KCNH1: variants seen among roughly 807,000 people sequenced by gnomAD.
The protein encoded by KCNH1 is potassium voltage-gated channel subfamily H member 1, also known as voltage-gated delayed rectifier potassium channel KCNH1.
Under a neutral mutation model 69.2 loss-of-function variants are expected in KCNH1, and 27 were observed. That is an observed-to-expected ratio of 0.39 (90% CI 0.29 to 0.54). The LOEUF (loss-of-function observed/expected upper bound fraction) is 0.54. Ranked by LOEUF, KCNH1 falls within the 20% of genes least tolerant of loss-of-function variation. The probability of loss-of-function intolerance (pLI) is 0.68; values close to 1 mark genes in which losing one functional copy is unlikely to be tolerated. For synonymous variants in KCNH1, 456 were observed against 487.7 expected (o/e 0.93, Z 0.86); for missense variants, 798 against 1,261.6 (o/e 0.63, Z 5.57).
chr1:210,868,865 A>C (rs773610444), intron 7 of KCNH1, among the ~76,000 whole-genome samples: 1 of 152,078 alleles, frequency 6.6e-6, no homozygotes, highest in Non-Finnish European at 1.5e-5. Flanking sequence ...GCATTTATCC[A>C]TGTATGATGT....
intron 6 of KCNH1, among the ~76,000 whole-genome samples, chr1:210,975,402 T>G (rs1341543005): frequency 6.6e-6 from 1 of 152,230 alleles, no homozygotes. Flanking sequence ...AAAACAGAGA[T>G]GTAGACCAAT....
intron 7 of KCNH1, among the ~76,000 whole-genome samples, chr1:210,915,387 A>G (rs558417058): frequency 6.6e-6 from 1 of 152,310 alleles, no homozygotes. Context: ...TGAATGGGGG[A>G]CATCCTCTCC....
chr1:210,682,749 C>T lies in KCNH1; in HGVS notation c.*532G>A, dbSNP rs1380389506. On this transcript the variant is annotated 3_prime_UTR_variant, in exon 11 of 11. Coordinates refer to ENST00000271751, the MANE Select transcript of KCNH1 (RefSeq NM_172362.3). Reference sequence around the variant, plus strand: ...GTTTCTGAGCTCTACCCTCCTGTCCCTCAAGCTCTGCTTGTCCCGAGCTAG... The same window carrying T: ...GTTTCTGAGCTCTACCCTCCTGTCCTTCAAGCTCTGCTTGTCCCGAGCTAG... The T allele has an allele frequency of 6.4e-6, 1 of 155,410 alleles. No individual in the cohort carries two copies. The highest frequency in any genetic ancestry group is 1.4e-5 in the Non-Finnish European group (1 of 70,246). The allele number at this position is 155,410 out of a possible 1,614,324, so 9.6% of individuals were successfully genotyped here.
chr1:210,977,189 C>G (rs1688628946), intron 6 of KCNH1, among the ~76,000 whole-genome samples: 1 of 152,052 alleles, frequency 6.6e-6, no homozygotes, highest in South Asian at 2.1e-4. Context: ...CAAACTATTG[C>G]AAGGACAAAA....
chr1:211,048,432 C>T (rs1291720464), intron 5 of KCNH1, among the ~76,000 whole-genome samples: 2 of 152,062 alleles, frequency 1.3e-5, no homozygotes, highest in African/African-American at 4.8e-5. Flanking sequence ...GGAACCAGCC[C>T]AAATGCCCAT....
chr1:210,844,956 G>A (rs868254921), intron 7 of KCNH1, among the ~76,000 whole-genome samples: 179 of 152,258 alleles, frequency 1.2e-3, no homozygotes, highest in African/African-American at 4.1e-3. Context: ...ACACCTCTAC[G>A]CAAATAAACT....
chr1:211,081,204 G>A (rs12564381), intron 5 of KCNH1, among the ~76,000 whole-genome samples: 61,046 of 151,532 alleles, frequency 0.4, 12,758 homozygotes, highest in Admixed American at 0.46. Flanking sequence ...GCAGCCAACA[G>A]ACACATGAAA....
intron 7 of KCNH1, among the ~76,000 whole-genome samples, chr1:210,906,946 C>T (rs1243960311): frequency 6.6e-6 from 1 of 152,136 alleles, no homozygotes; most frequent in Admixed American, 6.5e-5. Context: ...TTTAAAATGA[C>T]ACCAAAAGCA....
intron 5 of KCNH1, among the ~76,000 whole-genome samples, chr1:211,073,167 A>G (rs1341269960): frequency 1.3e-5 from 2 of 152,230 alleles, no homozygotes; most frequent in Non-Finnish European, 2.9e-5. Context: ...TCAATTCTCA[A>G]AAAAGACATA....
intron 10 of KCNH1, among the ~76,000 whole-genome samples, chr1:210,719,768 A>T (rs1682408633): frequency 6.6e-6 from 1 of 152,196 alleles, no homozygotes; most frequent in African/African-American, 2.4e-5. Flanking sequence ...TAAGATGAAT[A>T]ATTTAACTTT....
At chr1:210,890,817 A>C (rs370936351) in intron 7 of KCNH1, among the ~76,000 whole-genome samples, 8 of 152,248 alleles carry the variant, frequency 5.3e-5, no homozygotes, top group African/African-American at 1.9e-4. Context: ...TCACTAGAGA[A>C]ATGCAAATCA....
chr1:210,764,394 T>C (rs574532473), intron 10 of KCNH1, among the ~76,000 whole-genome samples: 38 of 152,284 alleles, frequency 2.5e-4, no homozygotes, highest in South Asian at 1.2e-3. Flanking sequence ...AAAGAGCTTC[T>C]GCACAGCAAA....
At chr1:210,937,139 C>A (rs1004372964) in intron 6 of KCNH1, among the ~76,000 whole-genome samples, 1 of 152,228 alleles carries the variant, frequency 6.6e-6, no homozygotes, top group African/African-American at 2.4e-5. Flanking sequence ...AATCAACACA[C>A]AACGGCTCAA....
At chr1:210,834,995 C>G (rs1267098831) in intron 7 of KCNH1, among the ~76,000 whole-genome samples, 1 of 152,120 alleles carries the variant, frequency 6.6e-6, no homozygotes, top group African/African-American at 2.4e-5. Flanking sequence ...TCCCTGCCCC[C>G]ACTTTGTTGA....
At chr1:210,694,853 A>C (rs1227042034) in intron 10 of KCNH1, among the ~76,000 whole-genome samples, 1 of 152,210 alleles carries the variant, frequency 6.6e-6, no homozygotes, top group Non-Finnish European at 1.5e-5. Flanking sequence ...AATACAGAGC[A>C]ATGTATGAGA....
chr1:211,058,317 T>C (rs1690352529), intron 5 of KCNH1, among the ~76,000 whole-genome samples: 1 of 152,168 alleles, frequency 6.6e-6, no homozygotes, highest in Admixed American at 6.5e-5. Flanking sequence ...AAGCACAGCA[T>C]ATTATAACTG....
At chr1:210,964,152 T>G (rs1688351053) in intron 6 of KCNH1, among the ~76,000 whole-genome samples, 1 of 151,878 alleles carries the variant, frequency 6.6e-6, no homozygotes, top group Non-Finnish European at 1.5e-5. Context: ...AAAAAGAAAA[T>G]AATTTTCAAC....
chr1:211,109,389 T>A (rs1034553319), intron 1 of KCNH1, among the ~76,000 whole-genome samples: 3 of 152,216 alleles, frequency 2.0e-5, no homozygotes, highest in African/African-American at 7.2e-5. Flanking sequence ...ATCCTTCATA[T>A]TGGTCTTCTC....
intron 9 of KCNH1, among the ~76,000 whole-genome samples, chr1:210,785,194 G>C (rs769704854): frequency 4.6e-5 from 7 of 152,176 alleles, no homozygotes; most frequent in Non-Finnish European, 8.8e-5. Context: ...AGATTTCATA[G>C]AGAAGATGAG....
Sources: allele counts gnomAD v4.1 joint callset (sites outside exome capture counted in the v4.1 genomes callset), GRCh38; gene constraint gnomAD v4.1.1; transcripts MANE v1.5; gene names NCBI Gene and HGNC (gene_info 2026-07-23, HGNC 2026-07-21).